Variants in NAV2 observed in about 807,000 individuals in gnomAD.
The protein encoded by NAV2 is neuron navigator 2.
In NAV2, 54 loss-of-function variants were observed where a neutral mutation model predicts 223.2. The ratio of observed to expected loss-of-function variants is 0.24; its 90% CI spans 0.19 to 0.30. The LOEUF is 0.30. NAV2 is among the 10% of genes least tolerant of loss of function. The pLI, the probability that NAV2 is intolerant of heterozygous loss-of-function variation, is 1.00. For synonymous variants in NAV2, 1,279 were observed against 1,239.3 expected, an observed-to-expected ratio of 1.03 and a Z score of -0.67; for missense variants, 2,806 against 3,147.5, an observed-to-expected ratio of 0.89 and a Z score of 2.60.
intron 1 of NAV2, among the ~76,000 whole-genome samples, chr11:19,537,961 T>A (rs4451708): frequency 6.6e-6 from 1 of 152,138 alleles, no homozygotes; most frequent in Non-Finnish European, 1.5e-5. Flanking sequence ...AGCACCTGAG[T>A]CCCAAAGAAA....
At chr11:19,543,556 G>A (rs1270012215) in intron 1 of NAV2, among the ~76,000 whole-genome samples, 2 of 151,970 alleles carry the variant, frequency 1.3e-5, no homozygotes, top group Admixed American at 6.6e-5. Flanking sequence ...AATGGCATAG[G>A]GATTAAAAAA....
chr11:20,050,001 C>T (rs2057819018), intron 16 of NAV2, 100 bp downstream of exon 16: 1 of 1,082,972 alleles, frequency 9.2e-7, no homozygotes, highest in Non-Finnish European at 1.4e-6. Flanking sequence ...GCCTAAGCCA[C>T]CTGCTTGTGT....
At chr11:20,031,680 ATCAAG>A (rs1183806560) in intron 11 of NAV2, among the ~76,000 whole-genome samples, 1 of 152,038 alleles carries the variant, frequency 6.6e-6, no homozygotes, top group African/African-American at 2.4e-5. Flanking sequence ...GGAAGTGAGA[ATCAAG>A]TAGCCACTGG....
intron 1 of NAV2, among the ~76,000 whole-genome samples, chr11:19,797,514 T>C (rs2057987210): frequency 6.6e-6 from 1 of 152,194 alleles, no homozygotes. Context: ...TCTCTCTTTT[T>C]CTTTTCTGTG....
intron 1 of NAV2, among the ~76,000 whole-genome samples, chr11:19,470,632 C>G (rs1365100786): frequency 6.6e-6 from 1 of 151,946 alleles, no homozygotes; most frequent in East Asian, 1.9e-4. Flanking sequence ...CTTAAAGGTC[C>G]CATTTCCCAA....
At chr11:20,107,608 A>T in intron 35 of NAV2, 56 bp from the exon 36 acceptor site, 1 of 1,362,938 alleles carries the variant, frequency 7.3e-7, no homozygotes, top group South Asian at 1.2e-5. Flanking sequence ...GCTTCACCTG[A>T]TGCCCCATCA....
intron 6 of NAV2, among the ~76,000 whole-genome samples, chr11:19,910,275 T>C (rs1453288887): frequency 6.6e-6 from 1 of 152,244 alleles, no homozygotes; most frequent in Admixed American, 6.5e-5. Context: ...TAGTTTTTAC[T>C]AAATTCACTA....
At chr11:19,725,210 A>G (rs530981662) in intron 1 of NAV2, among the ~76,000 whole-genome samples, 5 of 152,360 alleles carry the variant, frequency 3.3e-5, no homozygotes, top group African/African-American at 1.2e-4. Flanking sequence ...TGGGGCAGGT[A>G]AAGCATAAGC....
intron 1 of NAV2, among the ~76,000 whole-genome samples, chr11:19,734,152 GGA>G (rs775601769): frequency 6.6e-6 from 1 of 152,142 alleles, no homozygotes; most frequent in Non-Finnish European, 1.5e-5. Context: ...TAAAGGAATA[GGA>G]GAGTCTACAA....
At position 19,616,410 on chromosome 11, in the gene NAV2, G is replaced by C. The variant is rs562634842; in HGVS notation, c.76-216074G>C. Among the ~76,000 whole-genome samples the C allele has an allele frequency of 2.6e-5, 4 of 152,050 alleles. No homozygotes were observed. The East Asian group carries it at 5.8e-4, about 22-fold the overall frequency. On this transcript the variant is annotated intron_variant, in intron 1 of 37. Transcript: ENST00000360655. ...TATTGCAGCCTGTTTGTAAGCCTGG[G>C]TATATGCCCGCCTTTCTCCCAAGGG...
chr11:19,859,764 G>C (rs576279136), intron 3 of NAV2, among the ~76,000 whole-genome samples: 2,897 of 149,476 alleles, frequency 0.019, 7 homozygotes, highest in African/African-American at 0.026. Flanking sequence ...CTGGCCGGGT[G>C]GGGGGCTGAC....
intron 1 of NAV2, among the ~76,000 whole-genome samples, chr11:19,532,024 G>A (rs2044041680): frequency 6.6e-6 from 1 of 152,190 alleles, no homozygotes; most frequent in Admixed American, 6.5e-5. Context: ...AAAAAAATTA[G>A]GTTGGTGCAA....
At chr11:19,485,423 GC>G (rs1029349048) in intron 1 of NAV2, among the ~76,000 whole-genome samples, 14 of 152,248 alleles carry the variant, frequency 9.2e-5, no homozygotes, top group African/African-American at 3.4e-4. Context: ...CTCTCTTCTA[GC>G]CTGGGACCAG....
intron 26 of NAV2, among the ~76,000 whole-genome samples, chr11:20,089,635 T>A (rs562240781): frequency 6.6e-5 from 10 of 152,372 alleles, no homozygotes; most frequent in African/African-American, 2.4e-4. Flanking sequence ...GGGGTTGTTT[T>A]TCTGTCTTCA....
intron 26 of NAV2, among the ~76,000 whole-genome samples, chr11:20,084,936 C>T (rs1308600608): frequency 1.3e-5 from 2 of 152,136 alleles, no homozygotes; most frequent in African/African-American, 4.8e-5. Flanking sequence ...CGCCTGTAAT[C>T]CCAGCGCTTT....
chr11:19,500,172 A>C (rs1236862832), intron 1 of NAV2, among the ~76,000 whole-genome samples: 1 of 152,186 alleles, frequency 6.6e-6, no homozygotes, highest in African/African-American at 2.4e-5. Context: ...AGACCTTGGC[A>C]CATTTCCACT....
chr11:20,033,867 C>T (rs928873398), intron 11 of NAV2, among the ~76,000 whole-genome samples: 1 of 152,214 alleles, frequency 6.6e-6, no homozygotes, highest in Non-Finnish European at 1.5e-5. Context: ...ATCTCAACCA[C>T]TCAGCATTTC....
At chr11:19,879,063 C>T (rs1281097258) in intron 4 of NAV2, among the ~76,000 whole-genome samples, 1 of 152,190 alleles carries the variant, frequency 6.6e-6, no homozygotes, top group African/African-American at 2.4e-5. Flanking sequence ...AGGATCTGCT[C>T]AGACTCTGGC....
chr11:19,843,999 C>A (rs2060645918), intron 3 of NAV2, among the ~76,000 whole-genome samples: 1 of 152,110 alleles, frequency 6.6e-6, no homozygotes, highest in African/African-American at 2.4e-5. Context: ...GAAGGGGAGT[C>A]ATTTTCCAGT....
Sources: allele counts gnomAD v4.1 joint callset (sites outside exome capture counted in the v4.1 genomes callset), GRCh38; gene constraint gnomAD v4.1.1; transcripts MANE v1.5; gene names NCBI Gene and HGNC (gene_info 2026-07-23, HGNC 2026-07-21).